CDH23: variants seen among roughly 807,000 people sequenced by gnomAD.
The protein encoded by CDH23 is cadherin-23.
A neutral mutation model predicts 317.1 loss-of-function variants in CDH23; 189 were observed. The observed-to-expected ratio is 0.60, with a 90% CI of 0.53 to 0.67. CDH23 has a LOEUF of 0.67. Ranked by LOEUF, CDH23 falls within the 30% of genes least tolerant of loss-of-function variation. CDH23 has a pLI of 0.00. For synonymous variants in CDH23, 1,839 were observed against 1,876.8 expected, an observed-to-expected ratio of 0.98 and a Z score of 0.52; for missense variants, 4,401 against 4,592.4, an observed-to-expected ratio of 0.96 and a Z score of 1.20.
Position 71,580,562 on chromosome 10 carries a change from C to A in CDH23, c.832+2570C>A, listed in dbSNP as rs143735743. ...TGGCTGCCTGCAGAGGATCATGGAA[C>A]CAAATAGGCTCATGAGTGCAGTATT... On this transcript the variant is annotated intron_variant, in intron 9 of 69. Coordinates refer to ENST00000224721, the MANE Select transcript of CDH23 (RefSeq NM_022124.6). Among the ~76,000 whole-genome samples the A allele has an allele frequency of 9.2e-3, 1,396 of 152,322 alleles. 27 individuals are homozygous for A. Among genetic ancestry groups the A allele is most frequent in the Middle Eastern group, 0.02 (6 of 294 alleles).
chr10:71,674,836 G>A (rs1415682440), intron 14 of CDH23, among the ~76,000 whole-genome samples: 4 of 152,300 alleles, frequency 2.6e-5, no homozygotes, highest in Admixed American at 2.0e-4. Context: ...AAAACTTTAG[G>A]TCAGGGGAGA....
chr10:71,753,673 G>T, intron 38 of CDH23: 1 of 437,928 alleles, frequency 2.3e-6, no homozygotes, highest in Non-Finnish European at 4.6e-6. Flanking sequence ...CCAATTAGAT[G>T]CAGTGACCCC....
chr10:71,793,561 T>C lies in CDH23; in HGVS notation c.6633T>C (p.Ile2211=). The change falls in exon 48 of 70, where the codon ATT becomes ATC. Residue 2211 remains isoleucine (I), a synonymous_variant. Coordinates refer to ENST00000224721, the MANE Select transcript of CDH23 (RefSeq NM_022124.6). ...TCAACCCAAAGCTAGAGTACCACATTGTCGGCATTGTGGCCAAGGACGACA... is the reference window on the plus strand; with the variant it reads ...TCAACCCAAAGCTAGAGTACCACATCGTCGGCATTGTGGCCAAGGACGACA... ...HDLNPKLEYH[I]VGIVAKDDTD... 6.2e-7 allele frequency: 1 copy of C among 1,613,064 alleles called. No homozygotes were observed. Among genetic ancestry groups the C allele is most frequent in the Non-Finnish European group, 8.5e-7 (1 of 1,179,344 alleles).
chr10:71,627,561 A>C (rs1861801165), intron 11 of CDH23, among the ~76,000 whole-genome samples: 1 of 152,074 alleles, frequency 6.6e-6, no homozygotes, highest in Non-Finnish European at 1.5e-5. Flanking sequence ...CAAGCCCTGT[A>C]CCCCTGGCAG....
intron 1 of CDH23, among the ~76,000 whole-genome samples, chr10:71,407,654 G>A (rs545776651): frequency 9.2e-5 from 14 of 152,326 alleles, no homozygotes; most frequent in African/African-American, 2.4e-4. Context: ...ATTTCTGGCC[G>A]TGCATCTTAG....
intron 6 of CDH23, 44 bp downstream of exon 6, chr10:71,511,256 TG>T (rs1316442723): frequency 6.6e-7 from 1 of 1,513,682 alleles, no homozygotes; most frequent in East Asian, 2.3e-5. Context: ...AGAGACCTGC[TG>T]CTCCCCAGAC....
At chr10:71,539,885 C>T (rs115632466) in intron 6 of CDH23, among the ~76,000 whole-genome samples, 47 of 152,276 alleles carry the variant, frequency 3.1e-4, no homozygotes, top group African/African-American at 1.1e-3. Context: ...CTTTCCCTCT[C>T]CTTGAAGACA....
At chr10:71,682,306 G>A (rs952344887) in intron 17 of CDH23, 139 bp from the exon 18 acceptor site, 3 of 1,098,368 alleles carry the variant, frequency 2.7e-6, no homozygotes, top group Admixed American at 4.3e-5. Context: ...GAGATGTTGA[G>A]GCTCCAGGTG....
intron 18 of CDH23, among the ~76,000 whole-genome samples, chr10:71,683,446 C>T (rs7906511): frequency 0.25 from 37,317 of 152,224 alleles, 5,291 homozygotes; most frequent in Non-Finnish European, 0.33. Flanking sequence ...GCCTCTGCCA[C>T]TGCCCACGCC....
intron 3 of CDH23, among the ~76,000 whole-genome samples, chr10:71,449,848 A>T (rs1300389375): frequency 6.6e-6 from 1 of 152,184 alleles, no homozygotes; most frequent in Admixed American, 6.5e-5. Flanking sequence ...TGGCCATCTG[A>T]AATCCCTCAC....
At chr10:71,628,981 C>T (rs1310906065) in intron 11 of CDH23, among the ~76,000 whole-genome samples, 1 of 152,138 alleles carries the variant, frequency 6.6e-6, no homozygotes. Flanking sequence ...GGTCACAGAG[C>T]GTGGGAAGAG....
intron 10 of CDH23, among the ~76,000 whole-genome samples, 152 bp from the exon 11 acceptor site, chr10:71,617,053 T>A (rs1448805897): frequency 6.6e-6 from 1 of 152,164 alleles, no homozygotes; most frequent in East Asian, 1.9e-4. Flanking sequence ...GGGATACTAA[T>A]GATAAAATCC....
At chr10:71,656,225 C>A (rs933699362) in intron 14 of CDH23, among the ~76,000 whole-genome samples, 6 of 152,198 alleles carry the variant, frequency 3.9e-5, no homozygotes, top group Non-Finnish European at 8.8e-5. Flanking sequence ...GCATACGAGT[C>A]CAAGGTCAAC....
At chr10:71,804,026 T>G (rs1841639369) in intron 55 of CDH23, among the ~76,000 whole-genome samples, 1 of 151,576 alleles carries the variant, frequency 6.6e-6, no homozygotes, top group Non-Finnish European at 1.5e-5. Context: ...TCTAACTCTA[T>G]CGCTTATCAG....
chr10:71,599,949 A>G (rs771732983), intron 9 of CDH23, among the ~76,000 whole-genome samples: 33 of 151,346 alleles, frequency 2.2e-4, no homozygotes, highest in Non-Finnish European at 3.7e-4. Context: ...CACTGGAGGG[A>G]AACTGTGGGA....
At chr10:71,577,213 G>A (rs1858272847) in intron 8 of CDH23, among the ~76,000 whole-genome samples, 1 of 152,090 alleles carries the variant, frequency 6.6e-6, no homozygotes. Context: ...TGCTCCCCAA[G>A]AACGCGTTCC....
At chr10:71,757,866 T>C (rs1253366551) in intron 38 of CDH23, among the ~76,000 whole-genome samples, 1 of 152,176 alleles carries the variant, frequency 6.6e-6, no homozygotes, top group African/African-American at 2.4e-5. Context: ...CAAAGGGAGA[T>C]GAGCTGCCTA....
rs1842082621 is a variant in CDH23, at chr10:71,814,979, C to T, written c.9766C>T (p.Pro3256Ser). 2 of 1,612,308 alleles carry T rather than the reference C, an allele frequency of 1.2e-6. No individual in the cohort carries two copies. The highest frequency in any genetic ancestry group is 3.3e-5 in the Admixed American group (2 of 59,962). ...ELIQTELDEE[P>S]GDHSPGQGSL... The stretch of plus-strand genomic sequence containing the variant: ...GATACAGACTGAGCTGGACGAGGAG[C>T]CAGGAGACCACAGCCCAGGGCAGGG... The change falls in exon 70 of 70, where the codon CCA (proline) becomes TCA (serine). Residue 3256 changes from proline to serine, a missense_variant. Pro to Ser is a moderately conservative substitution (Grantham distance 74). Coordinates refer to ENST00000224721, the MANE Select transcript of CDH23 (RefSeq NM_022124.6).
chr10:71,663,005 C>G (rs912387878), intron 14 of CDH23, among the ~76,000 whole-genome samples: 1 of 152,230 alleles, frequency 6.6e-6, no homozygotes, highest in Admixed American at 6.5e-5. Flanking sequence ...TTCTCTGTGC[C>G]TTTCCTCTGG....
Sources: allele counts gnomAD v4.1 joint callset (sites outside exome capture counted in the v4.1 genomes callset), GRCh38; gene constraint gnomAD v4.1.1; transcripts MANE v1.5; gene names NCBI Gene and HGNC (gene_info 2026-07-23, HGNC 2026-07-21).